Variants in LRP1B observed in about 807,000 individuals in gnomAD.
The protein encoded by LRP1B is low-density lipoprotein receptor-related protein 1B.
LRP1B carries 217 observed loss-of-function variants against 556.6 expected under a neutral mutation model. The ratio of observed to expected loss-of-function variants is 0.39; its 90% CI spans 0.35 to 0.44. The LOEUF is 0.44. LRP1B is among the 20% of genes least tolerant of loss of function. The pLI is 1.00. For synonymous variants in LRP1B, 2,047 were observed against 1,865.8 expected (o/e 1.10, Z -2.50); for missense variants, 5,053 against 5,620.8 (o/e 0.90, Z 3.23).
At chr2:141,556,089 G>A (rs1471545575) in intron 2 of LRP1B, among the ~76,000 whole-genome samples, 2 of 151,704 alleles carry the variant, frequency 1.3e-5, no homozygotes, top group East Asian at 1.9e-4. Flanking sequence ...GTGATGACCC[G>A]TGAGCCTGCA....
intron 7 of LRP1B, among the ~76,000 whole-genome samples, chr2:141,185,826 C>A (rs1399372892): frequency 1.3e-5 from 2 of 151,780 alleles, no homozygotes; most frequent in African/African-American, 4.8e-5. Flanking sequence ...CACCTGTAAT[C>A]CCAGTACTTT....
At chr2:140,739,796 C>T (rs1688076374) in intron 35 of LRP1B, among the ~76,000 whole-genome samples, 2 of 152,058 alleles carry the variant, frequency 1.3e-5, no homozygotes, top group African/African-American at 2.4e-5. Flanking sequence ...GGACTGATAT[C>T]CAGAAACTTC....
intron 43 of LRP1B, among the ~76,000 whole-genome samples, chr2:140,576,228 C>T (rs1221288535): frequency 6.6e-6 from 1 of 152,134 alleles, no homozygotes; most frequent in East Asian, 1.9e-4. Flanking sequence ...GCTTGGGGCA[C>T]AATTTCTAAC....
At chr2:140,874,894 C>A (rs2105170261) in intron 25 of LRP1B, among the ~76,000 whole-genome samples, 1 of 152,060 alleles carries the variant, frequency 6.6e-6, no homozygotes, top group African/African-American at 2.4e-5. Flanking sequence ...TGGCAGGCAC[C>A]TGTAATCCCA....
intron 1 of LRP1B, among the ~76,000 whole-genome samples, chr2:141,929,483 TA>T: frequency 6.6e-6 from 1 of 152,158 alleles, no homozygotes; most frequent in South Asian, 2.1e-4. Context: ...CCATTTTTTT[TA>T]AAAGACAGAA....
intron 57 of LRP1B, 107 bp downstream of exon 57, chr2:140,492,501 A>C (rs1056216359): frequency 2.9e-6 from 2 of 694,866 alleles, no homozygotes; most frequent in African/African-American, 3.6e-5. Flanking sequence ...TTCTCCTGAC[A>C]ACTAAAAATA....
At chr2:140,427,725 C>T (rs1252121848) in intron 66 of LRP1B, among the ~76,000 whole-genome samples, 1 of 151,662 alleles carries the variant, frequency 6.6e-6, no homozygotes. Context: ...CACCACCTGT[C>T]CCCCTCCGTC....
At position 142,074,043 on chromosome 2, in the gene LRP1B, T is replaced by C. The variant is rs1470759919; in HGVS notation, c.82+56605A>G. ...TTACAGCAGTGCGAGAATGGACTAA[T>C]ATACCATCTCTTTTCTTCATTCTTG... On this transcript the variant is annotated intron_variant, in intron 1 of 90. Transcript: ENST00000389484. Among the ~76,000 whole-genome samples, 5 of 152,182 alleles carry C rather than the reference T, an allele frequency of 3.3e-5. No individual in the cohort carries two copies. In the South Asian group the frequency reaches 6.2e-4, roughly 19 times the overall value.
intron 55 of LRP1B, among the ~76,000 whole-genome samples, chr2:140,498,065 C>T (rs918553983): frequency 6.6e-6 from 1 of 151,596 alleles, no homozygotes; most frequent in Admixed American, 6.6e-5. Flanking sequence ...TTCATAAATT[C>T]AATGGAAGAA....
chr2:141,630,711 C>T (rs1431674161), intron 2 of LRP1B, among the ~76,000 whole-genome samples: 1 of 152,224 alleles, frequency 6.6e-6, no homozygotes, highest in African/African-American at 2.4e-5. Flanking sequence ...AGAGGAGCAT[C>T]TGTAGCTGGT....
intron 3 of LRP1B, among the ~76,000 whole-genome samples, chr2:141,415,008 CTTTTG>C (rs201456585): frequency 3.3e-5 from 5 of 150,230 alleles, no homozygotes; most frequent in Non-Finnish European, 7.5e-5. Context: ...TTCTAATGTA[CTTTTG>C]TTTTGTTTTG....
chr2:141,093,229 A>T (rs1700215954), intron 7 of LRP1B, among the ~76,000 whole-genome samples: 1 of 152,180 alleles, frequency 6.6e-6, no homozygotes, highest in African/African-American at 2.4e-5. Flanking sequence ...AGGAGCCTGG[A>T]GAGTGCACTC....
chr2:140,324,910 A>T (rs1008701374), intron 80 of LRP1B, among the ~76,000 whole-genome samples: 2 of 151,866 alleles, frequency 1.3e-5, no homozygotes, highest in Admixed American at 6.6e-5. Context: ...TGATTAAAAA[A>T]AAAACACACA....
chr2:141,794,067 C>A (rs1695717343), intron 2 of LRP1B, among the ~76,000 whole-genome samples: 1 of 151,838 alleles, frequency 6.6e-6, no homozygotes, highest in South Asian at 2.1e-4. Flanking sequence ...GGAATTAGGT[C>A]ATCTAATCAT....
intron 1 of LRP1B, among the ~76,000 whole-genome samples, chr2:142,054,238 C>A (rs1307412228): frequency 6.6e-6 from 1 of 151,974 alleles, no homozygotes; most frequent in Non-Finnish European, 1.5e-5. Flanking sequence ...TGTATTTCTC[C>A]TTCAAGGAAA....
chr2:140,370,666 T>G (rs1682954025), intron 71 of LRP1B, 44 bp downstream of exon 71: 2 of 1,605,988 alleles, frequency 1.2e-6, no homozygotes, highest in East Asian at 2.2e-5. Flanking sequence ...AACCTTAACT[T>G]TCATTCTCTC....
At chr2:141,566,318 C>A (rs550168456) in intron 2 of LRP1B, among the ~76,000 whole-genome samples, 1 of 152,078 alleles carries the variant, frequency 6.6e-6, no homozygotes. Context: ...ATGTAACTTT[C>A]ACTTATAGTA....
chr2:141,744,486 T>C (rs1395895353), intron 2 of LRP1B, among the ~76,000 whole-genome samples: 1 of 152,178 alleles, frequency 6.6e-6, no homozygotes, highest in Non-Finnish European at 1.5e-5. Context: ...GCTTTGTAAA[T>C]ATCTATTAGG....
chr2:141,426,301 C>A (rs1221874286), intron 3 of LRP1B, among the ~76,000 whole-genome samples: 1 of 151,774 alleles, frequency 6.6e-6, no homozygotes, highest in East Asian at 1.9e-4. Context: ...GGTACCAGTA[C>A]CATGCTGTTT....
Sources: gnomAD v4.1 joint callset for allele counts (sites outside exome capture counted in the v4.1 genomes callset) on GRCh38, gnomAD v4.1.1 for gene constraint, MANE v1.5 for transcripts, NCBI Gene and HGNC (gene_info 2026-07-23, HGNC 2026-07-21) for gene names.